The following REEP1 variants were observed in gnomAD, a reference collection of about 807,000 sequenced individuals.
The protein encoded by REEP1 is receptor accessory protein 1.
REEP1 carries 22 observed loss-of-function variants against 40.3 expected under a neutral mutation model. The ratio of observed to expected loss-of-function variants is 0.55; its 90% CI spans 0.39 to 0.78. REEP1 has a LOEUF of 0.78. Among genes scored for constraint, REEP1 ranks in the 30% least tolerant of loss-of-function variants. The pLI, the probability that REEP1 is intolerant of heterozygous loss-of-function variation, is 0.00. For missense variants in REEP1, 280 were observed against 361.1 expected, an observed-to-expected ratio of 0.78 and a Z score of 1.82; for synonymous variants, 116 against 139.2, an observed-to-expected ratio of 0.83 and a Z score of 1.17.
chr2:86,280,867 A>G (rs1678044858), intron 2 of REEP1, among the ~76,000 whole-genome samples: 1 of 151,990 alleles, frequency 6.6e-6, no homozygotes, highest in Non-Finnish European at 1.5e-5. Flanking sequence ...GAAATCTGAG[A>G]AAAAAAATAC....
chr2:86,288,526 G>A (rs1300862923), intron 1 of REEP1, among the ~76,000 whole-genome samples: 1 of 152,140 alleles, frequency 6.6e-6, no homozygotes, highest in African/African-American at 2.4e-5. Context: ...TTCTGTTGAT[G>A]CATACTTAGG....
At chr2:86,250,328 G>A (rs1676201212) in intron 5 of REEP1, among the ~76,000 whole-genome samples, 1 of 152,214 alleles carries the variant, frequency 6.6e-6, no homozygotes, top group Admixed American at 6.5e-5. Flanking sequence ...TCAGGCTTCA[G>A]AGGCAGAACA....
At chr2:86,277,044 G>GA (rs1416411563) in intron 2 of REEP1, among the ~76,000 whole-genome samples, 4 of 152,190 alleles carry the variant, frequency 2.6e-5, no homozygotes, top group African/African-American at 9.7e-5. Context: ...TGGTTTCAAT[G>GA]AAGTGGAAGC....
chr2:86,257,303 G>A (rs1676615124), intron 3 of REEP1, among the ~76,000 whole-genome samples: 1 of 150,962 alleles, frequency 6.6e-6, no homozygotes, highest in Admixed American at 6.6e-5. Context: ...CATAAAAGAT[G>A]TCTTTTAAAA....
chr2:86,231,807 C>A (rs868754338), intron 6 of REEP1, among the ~76,000 whole-genome samples: 3 of 152,180 alleles, frequency 2.0e-5, no homozygotes, highest in Non-Finnish European at 4.4e-5. Context: ...GTGCCCCCAC[C>A]CTCCATGAGC....
chr2:86,315,455 A>G (rs553228076), intron 1 of REEP1, among the ~76,000 whole-genome samples: 1 of 152,312 alleles, frequency 6.6e-6, no homozygotes, highest in East Asian at 1.9e-4. Context: ...CTGCTGCATT[A>G]ATTAAATTAT....
In REEP1 at chr2:86,246,491, G is replaced by A. The variant is rs190794207; in HGVS notation, c.417+5466C>T. On this transcript the variant is annotated intron_variant, in intron 5 of 8. Transcript: ENST00000538924. ...ATGTTCTGGAGACAAGATCTCCGGG[G>A]GAACTAAAACATTATTTTTCGAGTT... 2.3e-3 allele frequency among the ~76,000 whole-genome samples: 353 copies of A among 152,246 alleles called. 3 individuals carry two copies. Among genetic ancestry groups the A allele is most frequent in the African/African-American group, 8.2e-3 (340 of 41,542 alleles).
At chr2:86,321,162 A>G (rs1005888172) in intron 1 of REEP1, among the ~76,000 whole-genome samples, 1 of 152,228 alleles carries the variant, frequency 6.6e-6, no homozygotes, top group Non-Finnish European at 1.5e-5. Flanking sequence ...CATCTAACAC[A>G]TGTCTAATGA....
At chr2:86,261,524 T>C (rs986515679) in intron 3 of REEP1, among the ~76,000 whole-genome samples, 15 of 152,196 alleles carry the variant, frequency 9.9e-5, no homozygotes, top group African/African-American at 3.6e-4. Context: ...AACAGATGCT[T>C]GAAGGCAGCA....
intron 5 of REEP1, among the ~76,000 whole-genome samples, chr2:86,240,488 G>A (rs1334941520): frequency 5.9e-5 from 9 of 152,194 alleles, no homozygotes; most frequent in African/African-American, 2.2e-4. Context: ...CCTCTGAAGC[G>A]GGCGGGGGAA....
At chr2:86,303,562 G>T (rs940771746) in intron 1 of REEP1, among the ~76,000 whole-genome samples, 2 of 151,836 alleles carry the variant, frequency 1.3e-5, no homozygotes, top group Non-Finnish European at 2.9e-5. Flanking sequence ...ATGGGGTCTT[G>T]CTATGTTTCC....
intron 1 of REEP1, among the ~76,000 whole-genome samples, chr2:86,314,630 C>T (rs1679911534): frequency 6.6e-6 from 1 of 151,718 alleles, no homozygotes; most frequent in Middle Eastern, 3.2e-3. Flanking sequence ...ATTCTGCACT[C>T]CTCACCTCCT....
chr2:86,226,120 T>TCACCACCATCAC (rs1674681899), intron 7 of REEP1, among the ~76,000 whole-genome samples: 1 of 41,146 alleles, frequency 2.4e-5, no homozygotes, highest in Non-Finnish European at 8.1e-5. Flanking sequence ...ACCACCATCA[T>TCACCACCATCAC]CACCACCACC....
chr2:86,274,627 T>C (rs1400252486), intron 2 of REEP1, among the ~76,000 whole-genome samples: 4 of 152,184 alleles, frequency 2.6e-5, no homozygotes, highest in Non-Finnish European at 5.9e-5. Flanking sequence ...TTTTCCATGT[T>C]TGAAAGATTC....
intron 1 of REEP1, among the ~76,000 whole-genome samples, chr2:86,283,606 T>C (rs998035320): frequency 2.6e-5 from 4 of 152,196 alleles, no homozygotes; most frequent in South Asian, 4.1e-4. Context: ...CACCCTGACA[T>C]TCCACAATCA....
At chr2:86,321,736 A>T (rs1267528702) in intron 1 of REEP1, among the ~76,000 whole-genome samples, 1 of 152,240 alleles carries the variant, frequency 6.6e-6, no homozygotes, top group Non-Finnish European at 1.5e-5. Flanking sequence ...GTTAGATAAA[A>T]TATAATATCA....
At chr2:86,256,296 C>T (rs564711256) in intron 3 of REEP1, among the ~76,000 whole-genome samples, 2 of 148,878 alleles carry the variant, frequency 1.3e-5, no homozygotes, top group South Asian at 4.3e-4. Context: ...TGCAGTGAGC[C>T]GAGATCGCGC....
chr2:86,268,978 A>C (rs1677294997), intron 2 of REEP1, among the ~76,000 whole-genome samples: 1 of 152,206 alleles, frequency 6.6e-6, no homozygotes, highest in African/African-American at 2.4e-5. Context: ...TCTTTCACAA[A>C]GATTAACTCA....
chr2:86,329,618 A>G (rs1188389751), intron 1 of REEP1, among the ~76,000 whole-genome samples: 2 of 152,188 alleles, frequency 1.3e-5, no homozygotes, highest in African/African-American at 4.8e-5. Flanking sequence ...CACAGGGGAC[A>G]TGATGGCACC....
Sources: gnomAD v4.1 joint callset for allele counts (sites outside exome capture counted in the v4.1 genomes callset) on GRCh38, gnomAD v4.1.1 for gene constraint, MANE v1.5 for transcripts, NCBI Gene and HGNC (gene_info 2026-07-23, HGNC 2026-07-21) for gene names.